The following NTRK2 variants were observed in gnomAD, a reference collection of about 807,000 sequenced individuals.
NTRK2 encodes the protein BDNF/NT-3 growth factors receptor.
In NTRK2, 13 loss-of-function variants were observed where a neutral mutation model predicts 94.5. The ratio of observed to expected loss-of-function variants is 0.14; its 90% CI spans 0.09 to 0.22. The LOEUF is 0.22. NTRK2 is among the 10% of genes least tolerant of loss of function. The pLI is 1.00. For synonymous variants in NTRK2, 372 were observed against 407.4 expected (o/e 0.91, Z 1.05); for missense variants, 639 against 1,071.2 (o/e 0.60, Z 5.63).
intron 17 of NTRK2, among the ~76,000 whole-genome samples, chr9:84,983,451 A>G (rs1423132329): frequency 6.6e-6 from 1 of 152,202 alleles, no homozygotes; most frequent in Non-Finnish European, 1.5e-5. Context: ...TCCTTGTCTG[A>G]CTATAAACAA....
At position 85,023,038 on chromosome 9, in the gene NTRK2, A is replaced by G. The variant is rs199663832; in HGVS notation, c.*1601A>G. On this transcript the variant is annotated 3_prime_UTR_variant, in exon 19 of 19. Coordinates refer to ENST00000277120, the MANE Select transcript of NTRK2 (RefSeq NM_006180.6). ...GTTTTTGTTTCCTTCACTCCATTCA[A>G]AAAGTCAAAATACAAAATTTGGCAC... is the stretch of plus-strand genomic sequence containing the variant. 4.3e-5 allele frequency: 10 copies of G among 233,014 alleles called. No homozygotes were observed. The highest frequency in any genetic ancestry group is 2.8e-4 in the Admixed American group (5 of 17,776). 14.4% of individuals were successfully genotyped at this position (233,014 alleles called of 1,614,324 possible). A position where few individuals can be genotyped will look rare whatever the true frequency, so the allele number is the denominator to read the frequency against.
At chr9:84,997,727 G>A (rs1464991201) in intron 17 of NTRK2, among the ~76,000 whole-genome samples, 1 of 152,194 alleles carries the variant, frequency 6.6e-6, no homozygotes, top group South Asian at 2.1e-4. Flanking sequence ...TGGAAAGGAA[G>A]TGGGCTAAGC....
chr9:84,890,299 C>T (rs904156513), intron 14 of NTRK2, among the ~76,000 whole-genome samples: 1 of 152,182 alleles, frequency 6.6e-6, no homozygotes, highest in South Asian at 2.1e-4. Context: ...TGTGACTGAT[C>T]AGTGCTAATG....
At chr9:84,988,390 T>A (rs1001869667) in intron 17 of NTRK2, among the ~76,000 whole-genome samples, 7 of 152,020 alleles carry the variant, frequency 4.6e-5, no homozygotes, top group Non-Finnish European at 1.0e-4. Flanking sequence ...GATCAGAGAG[T>A]GTGAATCAGG....
At chr9:84,849,276 T>G (rs923718809) in intron 12 of NTRK2, among the ~76,000 whole-genome samples, 4 of 152,186 alleles carry the variant, frequency 2.6e-5, no homozygotes, top group Non-Finnish European at 5.9e-5. Context: ...CATAGTTCAC[T>G]GTGGCAGGAT....
At chr9:84,985,220 G>C (rs1828148365) in intron 17 of NTRK2, among the ~76,000 whole-genome samples, 1 of 152,190 alleles carries the variant, frequency 6.6e-6, no homozygotes, top group South Asian at 2.1e-4. Context: ...CCTTTTCTAT[G>C]AGTGATTCAA....
intron 17 of NTRK2, among the ~76,000 whole-genome samples, chr9:84,963,858 C>A (rs1220596458): frequency 2.0e-5 from 3 of 151,900 alleles, no homozygotes; most frequent in African/African-American, 7.2e-5. Flanking sequence ...TTTTTTTTCT[C>A]CTGCAATGTC....
chr9:84,719,175 T>C (rs966408567), intron 6 of NTRK2, among the ~76,000 whole-genome samples: 4 of 152,196 alleles, frequency 2.6e-5, no homozygotes. Context: ...GTGAAGACCC[T>C]GACCTTTGAG....
chr9:84,813,410 C>G, intron 12 of NTRK2: 3 of 1,063,202 alleles, frequency 2.8e-6, no homozygotes, highest in Non-Finnish European at 2.3e-6. Context: ...CAACAAAAGT[C>G]TGTGGGCTGC....
intron 12 of NTRK2, among the ~76,000 whole-genome samples, chr9:84,802,298 A>G (rs1428699631): frequency 2.0e-5 from 3 of 150,610 alleles, no homozygotes; most frequent in African/African-American, 5.0e-5. Flanking sequence ...AAACTGCGAA[A>G]TCTGGTGTGT....
At chr9:84,990,509 G>A (rs1199181423) in intron 17 of NTRK2, among the ~76,000 whole-genome samples, 1 of 152,174 alleles carries the variant, frequency 6.6e-6, no homozygotes, top group African/African-American at 2.4e-5. Context: ...GATGTTAAGC[G>A]AGCTTCTAGC....
At chr9:84,721,057 C>T (rs948242406) in intron 6 of NTRK2, among the ~76,000 whole-genome samples, 8 of 152,070 alleles carry the variant, frequency 5.3e-5, no homozygotes, top group Non-Finnish European at 1.0e-4. Context: ...CATAGTGGTA[C>T]ATATAACGGT....
intron 14 of NTRK2, among the ~76,000 whole-genome samples, chr9:84,925,308 C>T (rs1564469898): frequency 6.6e-6 from 1 of 151,740 alleles, no homozygotes; most frequent in Admixed American, 6.6e-5. Flanking sequence ...GTGCTGGAGC[C>T]ATGGTGCTGT....
chr9:84,725,051 A>C (rs1469404949), intron 8 of NTRK2, among the ~76,000 whole-genome samples: 1 of 152,180 alleles, frequency 6.6e-6, no homozygotes, highest in African/African-American at 2.4e-5. Flanking sequence ...TTCAGTAAAA[A>C]CTATATAGAC....
Position 84,752,105 on chromosome 9 carries a change from T to C in NTRK2, c.1396+20T>C, listed in dbSNP as rs2132498181. The C allele has an allele frequency of 6.3e-7, 1 of 1,579,472 alleles. No homozygotes were observed. Among genetic ancestry groups the C allele is most frequent in the Non-Finnish European group, 8.7e-7 (1 of 1,148,658 alleles). ...TGAAAGGTAAGAAGGGTTGTGTTTA[T>C]TTAGCTTCTTATGTGGATCATTTTT... is the stretch of plus-strand genomic sequence containing the variant. On this transcript the variant is annotated intron_variant, in intron 12 of 18. Coordinates refer to ENST00000277120, the MANE Select transcript of NTRK2 (RefSeq NM_006180.6).
At chr9:84,742,934 G>A (rs1300157235) in intron 10 of NTRK2, among the ~76,000 whole-genome samples, 1 of 151,570 alleles carries the variant, frequency 6.6e-6, no homozygotes, top group East Asian at 1.9e-4. Context: ...CTGAGTAGCT[G>A]GGATTACAAG....
intron 14 of NTRK2, among the ~76,000 whole-genome samples, chr9:84,908,563 GTGCA>G (rs2132464934): frequency 6.6e-6 from 1 of 152,282 alleles, no homozygotes; most frequent in African/African-American, 2.4e-5. Flanking sequence ...TGTGTTAACA[GTGCA>G]CAATACACAT....
intron 14 of NTRK2, chr9:84,873,739 C>T (rs2075960399): frequency 1.9e-6 from 2 of 1,056,628 alleles, no homozygotes; most frequent in Non-Finnish European, 2.3e-6. Flanking sequence ...GAAGTAAAAT[C>T]ATGTTTTTAG....
At chr9:84,924,230 A>G (rs567418048) in intron 14 of NTRK2, among the ~76,000 whole-genome samples, 139 of 15,312 alleles carry the variant, frequency 9.1e-3, no homozygotes, top group African/African-American at 0.027. Flanking sequence ...GAAAGAAAGT[A>G]GAAAGAAAGA....
Sources: allele counts gnomAD v4.1 joint callset (sites outside exome capture counted in the v4.1 genomes callset), GRCh38; gene constraint gnomAD v4.1.1; transcripts MANE v1.5; gene names NCBI Gene and HGNC (gene_info 2026-07-23, HGNC 2026-07-21).